Variants in KLK3 observed in about 807,000 individuals in gnomAD.
KLK3 encodes prostate-specific antigen.
KLK3 carries 23 observed loss-of-function variants against 27.7 expected under a neutral mutation model. That is an observed-to-expected ratio of 0.83 (90% CI 0.60 to 1.17). KLK3 has a LOEUF of 1.17. Ranked by LOEUF, KLK3 falls within the 50% of genes most tolerant of loss-of-function variation. The probability of loss-of-function intolerance (pLI) is 0.00; values close to 1 mark genes in which losing one functional copy is unlikely to be tolerated. For missense variants in KLK3, 322 were observed against 338.1 expected, an observed-to-expected ratio of 0.95 and a Z score of 0.37; for synonymous variants, 142 against 134.2, an observed-to-expected ratio of 1.06 and a Z score of -0.40.
rs1196432372 is a variant in KLK3 at position 50,860,161 on chromosome 19, G to A, written c.*34G>A. On this transcript the variant is annotated 3_prime_UTR_variant, in exon 5 of 5. Transcript: ENST00000326003. ...ATCAACCCCCTATTGTAGTAAACTTGGAACCTTGGAAATGACCAGGCCAAG... is the reference window on the plus strand; with the variant it reads ...ATCAACCCCCTATTGTAGTAAACTTAGAACCTTGGAAATGACCAGGCCAAG... 1 of 1,533,852 alleles carries A rather than the reference G, an allele frequency of 6.5e-7. No homozygotes were observed. Among genetic ancestry groups the A allele is most frequent in the Non-Finnish European group, 9.0e-7 (1 of 1,113,382 alleles).
rs2090177308 is a variant in KLK3, at chr19:50,860,274, G to A, written c.*147G>A. On this transcript the variant is annotated 3_prime_UTR_variant, in exon 5 of 5. Coordinates refer to ENST00000326003, the MANE Select transcript of KLK3 (RefSeq NM_001648.2). ...AAAGAAATCAGCAGACACAGGTGTA[G>A]ACCAGAGTGTTTCTTAAATGGTGTA... 1.6e-6 allele frequency: 1 copy of A among 618,524 alleles called. No homozygotes were observed. Among genetic ancestry groups the A allele is most frequent in the South Asian group, 2.3e-5 (1 of 42,806 alleles). The allele number at this position is 618,524 out of a possible 1,614,324, so 38.3% of individuals were successfully genotyped here.
intron 2 of KLK3, 23 bp downstream of exon 2, chr19:50,856,422 G>A (rs2090147936): frequency 6.2e-7 from 1 of 1,608,938 alleles, no homozygotes; most frequent in Non-Finnish European, 8.5e-7. Context: ...CTGGGGTCTG[G>A]GGAGCAGGTG....
chr19:50,858,980 G>T, intron 4 of KLK3: 1 of 371,066 alleles, frequency 2.7e-6, no homozygotes. Flanking sequence ...GGTGTCAGGA[G>T]GTGATCAGGC....
chr19:50,859,246 G>C (rs1029446012), intron 4 of KLK3, among the ~76,000 whole-genome samples: 3 of 152,144 alleles, frequency 2.0e-5, no homozygotes, highest in Non-Finnish European at 4.4e-5. Context: ...GGCCTCACCT[G>C]GGCCACAGGA....
intron 4 of KLK3, chr19:50,859,750 G>A: frequency 2.0e-6 from 3 of 1,498,024 alleles, no homozygotes; most frequent in Non-Finnish European, 2.7e-6. Flanking sequence ...CACAGGAGCT[G>A]GACCCTGAAG....
At chr19:50,857,773 C>G in intron 2 of KLK3, 2 of 457,238 alleles carry the variant, frequency 4.4e-6, no homozygotes, top group East Asian at 7.3e-5. Context: ...TCCCCTCTGC[C>G]CTTTCATTCT....
chr19:50,856,199 C>T, intron 1 of KLK3, 41 bp from the exon 2 acceptor site: 1 of 1,575,242 alleles, frequency 6.3e-7, no homozygotes, highest in East Asian at 2.3e-5. Flanking sequence ...CCAGTTCCTC[C>T]TGTCAACCCT....
rs112258520 is a variant in KLK3 at position 50,857,514 on chromosome 19, C to T, written c.207-515C>T. The T allele has an allele frequency of 4.7e-3, 724 of 155,002 alleles. 7 individuals are homozygous for T. Among genetic ancestry groups the T allele is most frequent in the Non-Finnish European group, 5.0e-3 (349 of 69,982 alleles). The allele number at this position is 155,002 out of a possible 1,614,324, so 9.6% of individuals were successfully genotyped here. ...CCACTCTGAGGCCTCCCCTCCCCAGCGGTCCCCACTCAGCTCCAAAGTCTC... is the reference window on the plus strand; with the variant it reads ...CCACTCTGAGGCCTCCCCTCCCCAGTGGTCCCCACTCAGCTCCAAAGTCTC... On this transcript the variant is annotated intron_variant, in intron 2 of 4. Coordinates refer to ENST00000326003, the MANE Select transcript of KLK3 (RefSeq NM_001648.2).
chr19:50,857,606 T>G (rs1207453831), intron 2 of KLK3: 1 of 168,266 alleles, frequency 5.9e-6, no homozygotes, highest in Non-Finnish European at 1.3e-5. Context: ...CATTCTTCCT[T>G]TGACTTCCTG....
At chr19:50,857,798 C>T in intron 2 of KLK3, 1 of 524,336 alleles carries the variant, frequency 1.9e-6, no homozygotes. Flanking sequence ...GTCCTTTTAC[C>T]CTCTTCCTTT....
chr19:50,855,509 CCTT>C (rs2090141512), intron 1 of KLK3: 1 of 158,000 alleles, frequency 6.3e-6, no homozygotes, highest in South Asian at 1.9e-4. Flanking sequence ...CCAGACACCT[CCTT>C]CTTCCTAGCC....
intron 4 of KLK3, chr19:50,859,456 C>G: frequency 7.9e-7 from 1 of 1,267,932 alleles, no homozygotes; most frequent in Non-Finnish European, 1.1e-6. Context: ...CCCACCTGGG[C>G]CCTTACCCAG....
At chr19:50,857,991 A>T in intron 2 of KLK3, 38 bp from the exon 3 acceptor site, 3 of 1,567,418 alleles carry the variant, frequency 1.9e-6, no homozygotes, top group Non-Finnish European at 2.6e-6. Flanking sequence ...TTTCCTTATC[A>T]TCCTCGCTCC....
intron 1 of KLK3, chr19:50,855,397 A>C: frequency 9.9e-6 from 2 of 202,590 alleles, no homozygotes; most frequent in Non-Finnish European, 2.0e-5. Context: ...CAATCCTATC[A>C]CAGTCTACTG....
rs1348001094 is a variant in KLK3, at chr19:50,859,963, T to TA, written c.631-8dup. On this transcript the variant is annotated splice_polypyrimidine_tract_variant and intron_variant, in intron 4 of 4. Coordinates refer to ENST00000326003, the MANE Select transcript of KLK3 (RefSeq NM_001648.2). Reference sequence around the variant, plus strand: ...ACCTATCTCACTCTCTCCCTGCTTTTACCCTTAGGGTGATTCTGGGGGCCC... The same window carrying TA: ...ACCTATCTCACTCTCTCCCTGCTTTTAACCCTTAGGGTGATTCTGGGGGCCC... 6.2e-7 allele frequency: 1 copy of TA among 1,605,920 alleles called. No homozygotes were observed. Among genetic ancestry groups the TA allele is most frequent in the Admixed American group, 1.7e-5 (1 of 59,484 alleles).
intron 2 of KLK3, chr19:50,857,435 G>A (rs1186197532): frequency 1.3e-5 from 2 of 153,306 alleles, no homozygotes; most frequent in African/African-American, 2.4e-5. Context: ...GGGCCTGCAG[G>A]CCAGGCTACC....
chr19:50,858,576 G>A lies in KLK3; in HGVS notation c.611G>A (p.Gly204Glu). 6.2e-7 allele frequency: 1 copy of A among 1,614,196 alleles called. No homozygotes were observed. Among genetic ancestry groups the A allele is most frequent in the Non-Finnish European group, 8.5e-7 (1 of 1,180,024 alleles). Residue 204 changes from glycine to glutamate, a missense_variant, in exon 4 of 5, where the codon GGG (glycine) becomes GAG (glutamate). Gly to Glu is a moderately conservative substitution (Grantham distance 98). Coordinates refer to ENST00000326003, the MANE Select transcript of KLK3 (RefSeq NM_001648.2). ...ATGCTGTGTGCTGGACGCTGGACAG[G>A]GGGCAAAAGCACCTGCTCGGTGAGT... ...KFMLCAGRWT[G>E]GKSTCSGDSG...
Position 50,860,685 on chromosome 19 carries a change from G to A in KLK3, c.*558G>A, listed in dbSNP as rs2090180291. ...AAGCTGATTCACTATGGGGGGAGGT[G>A]TATTGAAGTCCTCCAGACAACCCTC... On this transcript the variant is annotated 3_prime_UTR_variant, in exon 5 of 5. Transcript: ENST00000326003. The A allele has an allele frequency of 6.6e-6, 1 of 152,266 alleles. No individual in the cohort carries two copies. The highest frequency in any genetic ancestry group is 2.4e-5 in the African/African-American group (1 of 41,418). The allele number at this position is 152,266 out of a possible 1,614,324, so 9.4% of individuals were successfully genotyped here.
rs1477446211 is a variant in KLK3 at position 50,857,802 on chromosome 19, T to C, written c.207-227T>C. The C allele has an allele frequency of 9.2e-6, 5 of 542,522 alleles. No homozygotes were observed. The South Asian group carries it at 1.3e-4, about 14-fold the overall frequency. 33.6% of individuals were successfully genotyped at this position (542,522 alleles called of 1,614,324 possible). On this transcript the variant is annotated intron_variant, in intron 2 of 4. Coordinates refer to ENST00000326003, the MANE Select transcript of KLK3 (RefSeq NM_001648.2). ...TCATTCTCTCTGTCCTTTTACCCTC[T>C]TCCTTTTTCCCTTGGTTTCTCTCAG...
Sources: allele counts gnomAD v4.1 joint callset (sites outside exome capture counted in the v4.1 genomes callset), GRCh38; gene constraint gnomAD v4.1.1; transcripts MANE v1.5; gene names NCBI Gene and HGNC (gene_info 2026-07-23, HGNC 2026-07-21).